The following FERMT2 variants were observed in gnomAD, a reference collection of about 807,000 sequenced individuals.
FERMT2 encodes the protein FERM domain containing kindlin 2, also known as fermitin family homolog 2.
Under a neutral mutation model 82.7 loss-of-function variants are expected in FERMT2, and 15 were observed. The ratio of observed to expected loss-of-function variants is 0.18; its 90% CI spans 0.12 to 0.28. The LOEUF is 0.28. Among genes scored for constraint, FERMT2 ranks in the 10% least tolerant of loss-of-function variants. FERMT2 has a pLI of 1.00. For synonymous variants in FERMT2, 274 were observed against 271.5 expected, an observed-to-expected ratio of 1.01 and a Z score of -0.09; for missense variants, 645 against 809.4, an observed-to-expected ratio of 0.80 and a Z score of 2.46.
At chr14:52,899,338 A>G (rs896842547) in intron 3 of FERMT2, among the ~76,000 whole-genome samples, 3 of 152,212 alleles carry the variant, frequency 2.0e-5, no homozygotes, top group Admixed American at 1.3e-4. Flanking sequence ...GCTGGAGTGC[A>G]GTGCCACAAT....
At chr14:52,950,205 T>C (rs1890562823) in intron 2 of FERMT2, among the ~76,000 whole-genome samples, 1 of 152,204 alleles carries the variant, frequency 6.6e-6, no homozygotes, top group Non-Finnish European at 1.5e-5. Context: ...AATCATTACA[T>C]ATGAAAATTC....
chr14:52,930,474 GAAGT>G (rs1282315449), intron 2 of FERMT2, among the ~76,000 whole-genome samples: 3 of 152,284 alleles, frequency 2.0e-5, no homozygotes, highest in South Asian at 2.1e-4. Context: ...TTCAACTTGA[GAAGT>G]AAGAAAAACT....
chr14:52,930,742 C>T (rs1889529565), intron 2 of FERMT2, among the ~76,000 whole-genome samples: 1 of 152,122 alleles, frequency 6.6e-6, no homozygotes, highest in Non-Finnish European at 1.5e-5. Context: ...ACTTGCTTTC[C>T]TTTCCAATGC....
intron 2 of FERMT2, among the ~76,000 whole-genome samples, chr14:52,949,272 T>C (rs1181558036): frequency 6.6e-6 from 1 of 152,044 alleles, no homozygotes; most frequent in Non-Finnish European, 1.5e-5. Flanking sequence ...ATCAGAGTGC[T>C]ATTTCAGTAC....
At chr14:52,871,606 GA>G in intron 10 of FERMT2, 1 of 152,370 alleles carries the variant, frequency 6.6e-6, no homozygotes, top group Non-Finnish European at 1.5e-5. Context: ...ATCATCAGAT[GA>G]AAAAGGTGAA....
chr14:52,864,876 A>G (rs1408808537), intron 10 of FERMT2, 23 bp from the exon 11 acceptor site: 2 of 1,309,594 alleles, frequency 1.5e-6, no homozygotes, highest in Non-Finnish European at 2.2e-6. Flanking sequence ...ATTTTTATTA[A>G]AATGGCTAAA....
At chr14:52,888,615 A>T (rs1886746513) in intron 4 of FERMT2, among the ~76,000 whole-genome samples, 1 of 152,120 alleles carries the variant, frequency 6.6e-6, no homozygotes, top group African/African-American at 2.4e-5. Context: ...CCATTTCCGT[A>T]TGATGTAAAA....
intron 10 of FERMT2, among the ~76,000 whole-genome samples, chr14:52,868,079 AT>A (rs1156683856): frequency 2.0e-5 from 3 of 152,042 alleles, no homozygotes; most frequent in African/African-American, 7.2e-5. Context: ...TCTCCTTACC[AT>A]TTTTATCATC....
chr14:52,948,561 C>T, intron 2 of FERMT2: 1 of 455,680 alleles, frequency 2.2e-6, no homozygotes, highest in South Asian at 1.6e-5. Flanking sequence ...GCATTTCCTA[C>T]CTTGTTGGGC....
chr14:52,869,202 C>T (rs1015615140), intron 10 of FERMT2, among the ~76,000 whole-genome samples: 7 of 152,120 alleles, frequency 4.6e-5, no homozygotes, highest in Non-Finnish European at 7.3e-5. Context: ...AAAAGTGAAA[C>T]GCCCGTGACT....
intron 4 of FERMT2, among the ~76,000 whole-genome samples, chr14:52,885,519 G>GCATTTTAAAC (rs1182488509): frequency 3.3e-5 from 5 of 151,942 alleles, no homozygotes; most frequent in African/African-American, 1.2e-4. Flanking sequence ...TGCATCTGAG[G>GCATTTTAAAC]CAGCAAACTA....
intron 10 of FERMT2, among the ~76,000 whole-genome samples, chr14:52,867,055 CCCTT>C (rs1332572848): frequency 6.6e-6 from 1 of 152,098 alleles, no homozygotes; most frequent in African/African-American, 2.4e-5. Flanking sequence ...ACCTCTTTCC[CCCTT>C]CCTTGTCATA....
Position 52,903,528 on chromosome 14 carries a change from A to G in FERMT2, c.392-10101T>C, listed in dbSNP as rs181261940. ...AGTCCAGCCTGGGCAACAGAGCAAG[A>G]CCCTGTCTCTTAAGAAAAGAAAATA... On this transcript the variant is annotated intron_variant, in intron 3 of 14. Coordinates refer to ENST00000341590, the MANE Select transcript of FERMT2 (RefSeq NM_006832.3). Among the ~76,000 whole-genome samples the G allele has an allele frequency of 3.5e-3, 529 of 152,012 alleles. 2 individuals carry two copies. Among genetic ancestry groups the G allele is most frequent in the African/African-American group, 0.012 (495 of 41,458 alleles).
At chr14:52,939,192 TA>T (rs34395615) in intron 2 of FERMT2, among the ~76,000 whole-genome samples, 17,789 of 86,000 alleles carry the variant, frequency 0.21, 1,395 homozygotes, top group African/African-American at 0.3. Context: ...CCATCTCTAC[TA>T]AAAAAAAAAA....
chr14:52,869,151 T>C (rs955597865), intron 10 of FERMT2, among the ~76,000 whole-genome samples: 7 of 151,850 alleles, frequency 4.6e-5, no homozygotes, highest in Non-Finnish European at 1.0e-4. Flanking sequence ...CAGGAGAAGG[T>C]TGCAACAGAT....
Position 52,864,856 on chromosome 14 carries a change from G to A in FERMT2, c.1274-3C>T. The A allele has an allele frequency of 6.5e-7, 1 of 1,545,256 alleles. No homozygotes were observed. The highest frequency in any genetic ancestry group is 8.9e-7 in the Non-Finnish European group (1 of 1,129,686). On this transcript the variant is annotated splice_polypyrimidine_tract_variant and splice_region_variant and intron_variant, in intron 10 of 14. Coordinates refer to ENST00000341590, the MANE Select transcript of FERMT2 (RefSeq NM_006832.3). ...TACATCTGGGGTAACTTCACATCCT[G>A]TAACAAAAAATTTTTATTAAAATGG... is the stretch of plus-strand genomic sequence containing the variant.
intron 2 of FERMT2, among the ~76,000 whole-genome samples, chr14:52,929,578 T>C (rs1464581087): frequency 6.6e-6 from 1 of 152,216 alleles, no homozygotes; most frequent in Non-Finnish European, 1.5e-5. Flanking sequence ...ACTGGCCTTT[T>C]TTAGTTCTAA....
intron 3 of FERMT2, among the ~76,000 whole-genome samples, chr14:52,910,100 AT>A (rs1299726929): frequency 6.6e-6 from 1 of 152,202 alleles, no homozygotes; most frequent in Non-Finnish European, 1.5e-5. Flanking sequence ...TCCAATCTTT[AT>A]TGTTACCACT....
At chr14:52,921,156 A>G (rs1160668989) in intron 2 of FERMT2, among the ~76,000 whole-genome samples, 3 of 152,230 alleles carry the variant, frequency 2.0e-5, no homozygotes, top group African/African-American at 7.2e-5. Flanking sequence ...CATTGATTAT[A>G]TGGCTGAAAC....
Sources: allele counts gnomAD v4.1 joint callset (sites outside exome capture counted in the v4.1 genomes callset), GRCh38; gene constraint gnomAD v4.1.1; transcripts MANE v1.5; gene names NCBI Gene and HGNC (gene_info 2026-07-23, HGNC 2026-07-21).